DNAH14: variants seen among roughly 807,000 people sequenced by gnomAD.
The protein encoded by DNAH14 is axonemal beta dynein heavy chain 14.
Under a neutral mutation model 520.9 loss-of-function variants are expected in DNAH14, and 478 were observed. The observed-to-expected ratio is 0.92, with a 90% confidence interval of 0.85 to 0.99. The LOEUF (loss-of-function observed/expected upper bound fraction) is 0.99, where lower values mean the gene tolerates loss of function less well. DNAH14 is among the 50% of genes least tolerant of loss of function. The probability of loss-of-function intolerance (pLI) is 0.00; values close to 1 mark genes in which losing one functional copy is unlikely to be tolerated. For synonymous variants in DNAH14, 1,581 were observed against 1,757.2 expected (o/e 0.90, Z 2.51); for missense variants, 4,831 against 5,234.5 (o/e 0.92, Z 2.38).
intron 38 of DNAH14, among the ~76,000 whole-genome samples, chr1:225,193,204 C>T (rs192351013): frequency 6.6e-6 from 1 of 151,894 alleles, no homozygotes; most frequent in Admixed American, 6.6e-5. Context: ...TCCAGCACCA[C>T]CAAAATACCT....
rs572485316 is a variant in DNAH14, at chr1:225,377,673, A to G, written c.12716+237A>G. Among the ~76,000 whole-genome samples the G allele has an allele frequency of 3.2e-3, 477 of 150,194 alleles. 2 individuals carry two copies. The highest frequency in any genetic ancestry group is 4.8e-3 in the Non-Finnish European group (325 of 67,392). On this transcript the variant is annotated intron_variant, in intron 79 of 85. Transcript: ENST00000682510. ...AACTTGCGAGGCTGAGACCCTGTCT[A>G]AAAAAAAAATTCATTTGAAGAGATA... is the stretch of plus-strand genomic sequence containing the variant.
intron 72 of DNAH14, among the ~76,000 whole-genome samples, chr1:225,352,271 C>G (rs918562547): frequency 2.6e-5 from 4 of 152,088 alleles, no homozygotes; most frequent in African/African-American, 9.7e-5. Flanking sequence ...TTTAGCACAT[C>G]TTTTGCTTTT....
chr1:225,073,754 C>T (rs141588363), intron 17 of DNAH14, among the ~76,000 whole-genome samples: 361 of 152,128 alleles, frequency 2.4e-3, no homozygotes, highest in African/African-American at 8.0e-3. Context: ...GGCGCAATCT[C>T]GGCTCACTAC....
chr1:225,128,294 G>C (rs1235776459), intron 27 of DNAH14, among the ~76,000 whole-genome samples: 3 of 152,042 alleles, frequency 2.0e-5, no homozygotes, highest in Non-Finnish European at 4.4e-5. Context: ...CAAAAAGAAG[G>C]AATCCTCCCT....
intron 54 of DNAH14, among the ~76,000 whole-genome samples, chr1:225,285,402 G>T (rs979376236): frequency 4.6e-5 from 7 of 151,882 alleles, no homozygotes; most frequent in Non-Finnish European, 5.9e-5. Context: ...ACAAAAATTA[G>T]CTGGGCATGG....
intron 8 of DNAH14, among the ~76,000 whole-genome samples, chr1:224,978,318 T>G (rs957430371): frequency 1.3e-5 from 2 of 152,206 alleles, no homozygotes; most frequent in Admixed American, 1.3e-4. Flanking sequence ...AGAATACTAT[T>G]CAACCAGAAA....
At chr1:225,085,927 C>A in intron 21 of DNAH14, 138 bp downstream of exon 21, 1 of 922,238 alleles carries the variant, frequency 1.1e-6, no homozygotes, top group Non-Finnish European at 1.5e-6. Context: ...TGAATATTTA[C>A]TAGTTTGAAT....
At chr1:225,126,461 T>C (rs2077725630) in intron 27 of DNAH14, among the ~76,000 whole-genome samples, 1 of 152,226 alleles carries the variant, frequency 6.6e-6, no homozygotes, top group Admixed American at 6.5e-5. Context: ...GAGGAATTTA[T>C]CCATTTCTTC....
intron 55 of DNAH14, among the ~76,000 whole-genome samples, chr1:225,291,543 A>G (rs1352831056): frequency 1.3e-5 from 2 of 152,084 alleles, no homozygotes; most frequent in East Asian, 1.9e-4. Flanking sequence ...TAGCCTCCCA[A>G]GTAGCTGAGA....
At chr1:225,157,075 A>C (rs1406378409) in intron 34 of DNAH14, among the ~76,000 whole-genome samples, 1 of 152,210 alleles carries the variant, frequency 6.6e-6, no homozygotes, top group Non-Finnish European at 1.5e-5. Flanking sequence ...GGGGATTAAA[A>C]AGTGAATATG....
At chr1:225,182,648 G>C (rs890537236) in intron 36 of DNAH14, among the ~76,000 whole-genome samples, 1 of 152,142 alleles carries the variant, frequency 6.6e-6, no homozygotes, top group Non-Finnish European at 1.5e-5. Context: ...CCCAGGGAAA[G>C]ATTCTGTCCA....
chr1:225,356,394 G>T (rs1174123086), intron 73 of DNAH14, among the ~76,000 whole-genome samples: 4 of 152,118 alleles, frequency 2.6e-5, no homozygotes, highest in Non-Finnish European at 5.9e-5. Context: ...TTGAATGTTA[G>T]TTGCCATTTG....
chr1:225,016,517 C>T (rs1402297692), intron 10 of DNAH14, among the ~76,000 whole-genome samples: 1 of 152,076 alleles, frequency 6.6e-6, no homozygotes, highest in Non-Finnish European at 1.5e-5. Context: ...ATAATGTGCC[C>T]CAGAGAGGAC....
chr1:225,043,022 AC>A lies in DNAH14; in HGVS notation c.1677del (p.Asp559GlufsTer57). On this transcript the variant is annotated frameshift_variant, in exon 13 of 86. Transcript: ENST00000682510. LOFTEE classifies it high-confidence loss of function. Reference protein sequence around the residue: ...MFEDEMSENKDNCVKKHSSEE... With the variant: ...MFEDEMSENKXNCVKKHSSEE... The stretch of plus-strand genomic sequence containing the variant: ...GAAGATGAAATGTCAGAAAATAAAG[AC>A]AATTGTGTCAAAAAACACTCAAGTG... 1 of 1,551,838 alleles carries A rather than the reference AC, an allele frequency of 6.4e-7. No homozygotes were observed. Among genetic ancestry groups the A allele is most frequent in the Non-Finnish European group, 8.7e-7 (1 of 1,147,030 alleles).
chr1:224,981,424 T>G (rs1357408670), intron 8 of DNAH14, among the ~76,000 whole-genome samples: 2 of 152,210 alleles, frequency 1.3e-5, no homozygotes, highest in South Asian at 4.1e-4. Flanking sequence ...CCTGGACTTT[T>G]TTTTTGCTGG....
chr1:225,358,544 A>G lies in DNAH14; in HGVS notation c.11668A>G (p.Ile3890Val), dbSNP rs976115793. The change falls in exon 74 of 86, where the codon ATA (isoleucine) becomes GTA (valine). Residue 3890 changes from isoleucine to valine, a missense_variant. Physicochemically the swap from Ile to Val is conservative, Grantham distance 29 (BLOSUM62 3). Coordinates refer to ENST00000682510, the MANE Select transcript of DNAH14 (RefSeq NM_001367479.1). ...TTTAAACAATTCAGTGAGAAAGTTT[A>G]TAACTGAAAAAATGGGAAATAAGTA... is the stretch of plus-strand genomic sequence containing the variant. ...ESLNNSVRKF[I>V]TEKMGNKYLQ... The G allele has an allele frequency of 3.9e-6, 6 of 1,547,060 alleles. No homozygotes were observed. The African/African-American group carries it at 6.9e-5, about 18-fold the overall frequency.
intron 11 of DNAH14, 27 bp from the exon 12 acceptor site, chr1:225,038,666 AT>A: frequency 6.6e-6 from 10 of 1,510,096 alleles, no homozygotes; most frequent in South Asian, 1.3e-5. Flanking sequence ...TTTTTAAATG[AT>A]TTTTTTCTTC....
rs2150360273 is a variant in DNAH14 at position 225,337,292 on chromosome 1, G to A, written c.10107G>A (p.Leu3369=). ...TCAGCCGATGGCATAATCAGGGACT[G>A]CCTCATGGTCAGTATTCAGTAGAGA... ...YEISRWHNQG[L]PHGQYSVENA... Residue 3369 remains leucine (L), a synonymous_variant, in exon 67 of 86, where the codon CTG becomes CTA. Transcript: ENST00000682510. 6.4e-7 allele frequency: 1 copy of A among 1,552,016 alleles called. No individual in the cohort carries two copies. Among genetic ancestry groups the A allele is most frequent in the Non-Finnish European group, 8.7e-7 (1 of 1,147,034 alleles).
intron 55 of DNAH14, among the ~76,000 whole-genome samples, chr1:225,293,101 G>A (rs2093929382): frequency 1.3e-5 from 2 of 152,132 alleles, no homozygotes; most frequent in South Asian, 4.1e-4. Context: ...TTAGAGAAAT[G>A]CAAATCAAAA....
Sources: gnomAD v4.1 joint callset for allele counts (sites outside exome capture counted in the v4.1 genomes callset) on GRCh38, gnomAD v4.1.1 for gene constraint, MANE v1.5 for transcripts, NCBI Gene and HGNC (gene_info 2026-07-23, HGNC 2026-07-21) for gene names.